The following MYBPC1 variants were observed in gnomAD, a reference collection of about 807,000 sequenced individuals.
MYBPC1 encodes myosin binding protein C1.
In MYBPC1, 52 loss-of-function variants were observed where a neutral mutation model predicts 147.1. That is an observed-to-expected ratio of 0.35 (90% confidence interval 0.28 to 0.45). MYBPC1 has a LOEUF of 0.45. MYBPC1 is among the 20% of genes least tolerant of loss of function. MYBPC1 has a pLI of 1.00. For missense variants in MYBPC1, 1,228 were observed against 1,440.3 expected, an observed-to-expected ratio of 0.85 and a Z score of 2.39; for synonymous variants, 477 against 475.9, an observed-to-expected ratio of 1.00 and a Z score of -0.03.
intron 1 of MYBPC1, among the ~76,000 whole-genome samples, chr12:101,609,456 G>GT (rs142887259): frequency 1.3e-5 from 2 of 151,658 alleles, no homozygotes; most frequent in African/African-American, 4.9e-5. Flanking sequence ...AATGTAAAAT[G>GT]TTTTTTTATG....
At chr12:101,655,181 G>A (rs1231565594) in intron 18 of MYBPC1, among the ~76,000 whole-genome samples, 1 of 151,976 alleles carries the variant, frequency 6.6e-6, no homozygotes, top group Non-Finnish European at 1.5e-5. Context: ...AAAAAGTTAG[G>A]TGGAGAAATG....
intron 3 of MYBPC1, among the ~76,000 whole-genome samples, chr12:101,624,668 A>T (rs1030895194): frequency 6.3e-5 from 9 of 143,062 alleles, no homozygotes; most frequent in African/African-American, 2.4e-4. Flanking sequence ...AATAATATAC[A>T]AGCCCGGCTA....
chr12:101,602,339 T>C (rs1305172407), intron 1 of MYBPC1, among the ~76,000 whole-genome samples: 1 of 152,154 alleles, frequency 6.6e-6, no homozygotes, highest in African/African-American at 2.4e-5. Flanking sequence ...CTCAGCCTCC[T>C]GAGTAGCTGG....
At chr12:101,662,738 T>C (rs1457475049) in intron 21 of MYBPC1, among the ~76,000 whole-genome samples, 192 bp downstream of exon 21, 1 of 152,222 alleles carries the variant, frequency 6.6e-6, no homozygotes, top group Non-Finnish European at 1.5e-5. Context: ...AATAACTTCA[T>C]AACATAGGCC....
chr12:101,626,787 T>C, intron 3 of MYBPC1, 85 bp from the exon 4 acceptor site: 2 of 1,182,280 alleles, frequency 1.7e-6, no homozygotes, highest in African/African-American at 3.0e-5. Flanking sequence ...TGGTTTCTCA[T>C]CTTCTTTTTC....
rs376621567 is a variant in MYBPC1, at chr12:101,661,182, C to A, written c.1952C>A (p.Pro651Gln). Residue 651 changes from proline to glutamine, a missense_variant, in exon 20 of 32, where the codon CCG becomes CAG. Physicochemically the swap from Pro to Gln is moderately conservative, Grantham distance 76. This residue lies in a region of MYBPC1 where 1,077 missense variants were observed against 1,314.2 expected (regional missense o/e 0.82). Transcript: ENST00000361466. ...VVDFPDPPVA[P>Q]TVTEVGDDWC... Reference sequence around the variant, plus strand: ...GACTTCCCTGATCCTCCAGTGGCACCGACTGTGACAGAGGTGGGAGATGAC... The same window carrying A: ...GACTTCCCTGATCCTCCAGTGGCACAGACTGTGACAGAGGTGGGAGATGAC... The A allele has an allele frequency of 6.2e-7, 1 of 1,613,570 alleles. No individual in the cohort carries two copies. Among genetic ancestry groups the A allele is most frequent in the East Asian group, 2.2e-5 (1 of 44,870 alleles).
At chr12:101,648,561 C>A (rs1893718023) in intron 14 of MYBPC1, among the ~76,000 whole-genome samples, 1 of 152,166 alleles carries the variant, frequency 6.6e-6, no homozygotes, top group Non-Finnish European at 1.5e-5. Flanking sequence ...TCTAAGTGGG[C>A]TTACTAATGA....
chr12:101,608,739 G>A (rs1379134479), intron 1 of MYBPC1, among the ~76,000 whole-genome samples: 4 of 152,222 alleles, frequency 2.6e-5, no homozygotes, highest in South Asian at 2.1e-4. Context: ...CCTTAGAAAG[G>A]TGAGGGGTGT....
chr12:101,657,953 A>AC (rs1488578010), intron 18 of MYBPC1, among the ~76,000 whole-genome samples: 3 of 151,866 alleles, frequency 2.0e-5, no homozygotes, highest in African/African-American at 7.3e-5. Context: ...ATACGGTGAA[A>AC]CCCCGTCTCT....
Position 101,629,353 on chromosome 12 carries a change from G to C in MYBPC1, c.179-81G>C, listed in dbSNP as rs563110890. 1,447 of 930,450 alleles carry C rather than the reference G, an allele frequency of 1.6e-3. 7 individuals carry two copies. Among genetic ancestry groups the C allele is most frequent in the South Asian group, 2.3e-3 (173 of 76,520 alleles). 57.6% of individuals were successfully genotyped at this position (930,450 alleles called of 1,614,324 possible). A position where few individuals can be genotyped will look rare whatever the true frequency, so the allele number is the denominator to read the frequency against. On this transcript the variant is annotated intron_variant, in intron 5 of 31. Transcript: ENST00000361466. ...TAGACAAAGAAAAGCTACAGCGTTG[G>C]TGAGAACAACAAATCCAGGTAAGAC...
chr12:101,694,334 T>C, the MYBPC1 span, among the ~76,000 whole-genome samples: 77,947 of 152,060 alleles, frequency 0.51, 20,980 homozygotes, highest in Admixed American at 0.6. Context: ...TTGAAGTTTA[T>C]ATAAGTAAAA....
intron 1 of MYBPC1, among the ~76,000 whole-genome samples, chr12:101,607,548 T>C (rs1339309975): frequency 6.6e-6 from 1 of 152,182 alleles, no homozygotes; most frequent in African/African-American, 2.4e-5. Context: ...AATTTTCCCC[T>C]AGAAAGTGAC....
chr12:101,620,337 C>G (rs546062950), intron 3 of MYBPC1, among the ~76,000 whole-genome samples: 22 of 152,314 alleles, frequency 1.4e-4, no homozygotes, highest in Admixed American at 1.3e-3. Flanking sequence ...AGATTCTTTT[C>G]TGTATGCTCA....
At chr12:101,645,932 G>A (rs910967464) in intron 12 of MYBPC1, among the ~76,000 whole-genome samples, 2 of 152,152 alleles carry the variant, frequency 1.3e-5, no homozygotes, top group African/African-American at 4.8e-5. Context: ...GAACTGCTGC[G>A]TGTGTTTGTG....
At chr12:101,678,934 G>A (rs577120038) in intron 28 of MYBPC1, among the ~76,000 whole-genome samples, 75 of 152,278 alleles carry the variant, frequency 4.9e-4, no homozygotes, top group Non-Finnish European at 8.8e-4. Context: ...GCTGAGGCAG[G>A]CGGATCACTT....
intron 3 of MYBPC1, 114 bp from the exon 4 acceptor site, chr12:101,626,758 C>G: frequency 1.1e-6 from 1 of 897,916 alleles, no homozygotes; most frequent in African/African-American, 1.6e-5. Context: ...GCTTGCTCAG[C>G]AGTTGAAAGT....
intron 1 of MYBPC1, among the ~76,000 whole-genome samples, chr12:101,613,865 T>C (rs1191570530): frequency 6.6e-6 from 1 of 152,212 alleles, no homozygotes; most frequent in African/African-American, 2.4e-5. Context: ...TGCACCGTCC[T>C]TGTAAAACAA....
chr12:101,678,319 A>T, intron 28 of MYBPC1, 81 bp downstream of exon 28: 1 of 1,569,686 alleles, frequency 6.4e-7, no homozygotes, highest in Non-Finnish European at 8.8e-7. Context: ...ATGTAAACAA[A>T]TCCAGCTGCT....
intron 24 of MYBPC1, 53 bp from the exon 25 acceptor site, chr12:101,673,374 C>T: frequency 1.3e-6 from 2 of 1,574,926 alleles, no homozygotes; most frequent in Non-Finnish European, 1.7e-6. Flanking sequence ...GCTGAAGAAA[C>T]ATCTTGAGAC....
Sources: gnomAD v4.1 joint callset for allele counts (sites outside exome capture counted in the v4.1 genomes callset) on GRCh38, gnomAD v4.1.1 for gene constraint, gnomAD v4.1.1 regional missense constraint, MANE v1.5 for transcripts, NCBI Gene and HGNC (gene_info 2026-07-23, HGNC 2026-07-21) for gene names.